Variants in ERCC6L2 observed in about 807,000 individuals in gnomAD.
ERCC6L2 encodes the protein ERCC excision repair 6 like 2, also known as DNA excision repair protein ERCC-6-like 2.
A neutral mutation model predicts 132.0 loss-of-function variants in ERCC6L2; 77 were observed. The ratio of observed to expected loss-of-function variants is 0.58; its 90% confidence interval spans 0.49 to 0.71. ERCC6L2 has a LOEUF of 0.71. Ranked by LOEUF, ERCC6L2 falls within the 30% of genes least tolerant of loss-of-function variation. ERCC6L2 has a pLI of 0.00. For synonymous variants in ERCC6L2, 583 were observed against 632.4 expected, an observed-to-expected ratio of 0.92 and a Z score of 1.17; for missense variants, 1,542 against 1,837.6, an observed-to-expected ratio of 0.84 and a Z score of 2.94.
chr9:96,017,479 G>A lies in ERCC6L2; in HGVS notation c.*4276G>A, dbSNP rs557435449. On this transcript the variant is annotated 3_prime_UTR_variant, in exon 19 of 19. Coordinates refer to ENST00000653738, the MANE Select transcript of ERCC6L2 (RefSeq NM_020207.7). The stretch of plus-strand genomic sequence containing the variant: ...GTAGCAAGTCAGAACCTCCGGAGAG[G>A]CTTTTAAGCATGCACATGTCCAGGG... Among the ~76,000 whole-genome samples the A allele has an allele frequency of 7.2e-5, 11 of 152,288 alleles. No homozygotes were observed. In the South Asian group the frequency reaches 2.3e-3, roughly 32 times the overall value.
At chr9:96,003,499 T>G (rs978580323) in intron 17 of ERCC6L2, among the ~76,000 whole-genome samples, 23 of 152,392 alleles carry the variant, frequency 1.5e-4, no homozygotes, top group Non-Finnish European at 1.8e-4. Flanking sequence ...TTCTAGCCTG[T>G]GTGCCAGGTT....
Position 95,972,302 on chromosome 9 carries a change from T to G in ERCC6L2, c.2551T>G (p.Leu851Val). Residue 851 changes from leucine to valine, a missense_variant, in exon 16 of 19, where the codon TTA becomes GTA. By Grantham distance (32) the Leu-to-Val change is conservative. This residue lies in a region of ERCC6L2 where 945 missense variants were observed against 1,105.2 expected (regional missense o/e 0.86). Coordinates refer to ENST00000653738, the MANE Select transcript of ERCC6L2 (RefSeq NM_020207.7). ...DSLGTSKHQK[L>V]DNILNPKEKH... Reference sequence around the variant, plus strand: ...TCTTGGTACTTCAAAACATCAGAAATTAGATAACATCCTAAATCCAAAAGA... The same window carrying G: ...TCTTGGTACTTCAAAACATCAGAAAGTAGATAACATCCTAAATCCAAAAGA... The G allele has an allele frequency of 7.7e-7, 1 of 1,296,438 alleles. No individual in the cohort carries two copies. The highest frequency in any genetic ancestry group is 1.0e-6 in the Non-Finnish European group (1 of 986,604). The allele number at this position is 1,296,438 out of a possible 1,614,324, so 80.3% of individuals were successfully genotyped here.
At chr9:96,038,318 G>A (rs1411245917) in intron 19 of ERCC6L2, among the ~76,000 whole-genome samples, 2 of 152,174 alleles carry the variant, frequency 1.3e-5, no homozygotes, top group Non-Finnish European at 1.5e-5. Flanking sequence ...GATCAAGCCC[G>A]AATAAAAGGA....
At chr9:95,939,026 T>C (rs1830679637) in intron 11 of ERCC6L2, among the ~76,000 whole-genome samples, 1 of 152,098 alleles carries the variant, frequency 6.6e-6, no homozygotes, top group Non-Finnish European at 1.5e-5. Flanking sequence ...GTATACAGGT[T>C]TACCAGTTTG....
At chr9:95,914,715 T>C (rs1829499789) in intron 4 of ERCC6L2, among the ~76,000 whole-genome samples, 1 of 152,236 alleles carries the variant, frequency 6.6e-6, no homozygotes, top group Admixed American at 6.5e-5. Context: ...ATTTGCAATA[T>C]AGTCTGTAGC....
At chr9:95,982,866 T>C (rs1013030769) in intron 17 of ERCC6L2, among the ~76,000 whole-genome samples, 1 of 152,058 alleles carries the variant, frequency 6.6e-6, no homozygotes, top group Non-Finnish European at 1.5e-5. Flanking sequence ...GGAAGGAGAA[T>C]CCAGTTTTTA....
intron 13 of ERCC6L2, among the ~76,000 whole-genome samples, chr9:95,960,420 G>A (rs915773513): frequency 1.5e-4 from 23 of 152,170 alleles, no homozygotes; most frequent in African/African-American, 4.8e-4. Context: ...GATCTTTGCA[G>A]ATGTGATTAA....
At chr9:95,932,025 T>A (rs1263223074) in intron 11 of ERCC6L2, among the ~76,000 whole-genome samples, 1 of 152,094 alleles carries the variant, frequency 6.6e-6, no homozygotes, top group Non-Finnish European at 1.5e-5. Context: ...TTTTGCTCTG[T>A]TCTGAGAAAT....
At chr9:95,894,584 C>CTTTTTTTTTT in intron 2 of ERCC6L2, among the ~76,000 whole-genome samples, 1 of 83,484 alleles carries the variant, frequency 1.2e-5, no homozygotes, top group Non-Finnish European at 2.2e-5. Flanking sequence ...ATATGTCAGC[C>CTTTTTTTTTT]TTTTTTTTTT....
At chr9:95,916,529 C>A in intron 6 of ERCC6L2, 95 bp downstream of exon 6, 1 of 1,038,482 alleles carries the variant, frequency 9.6e-7, no homozygotes, top group Non-Finnish European at 1.3e-6. Flanking sequence ...TTTGTAAATA[C>A]AGTTTTTTGC....
intron 11 of ERCC6L2, among the ~76,000 whole-genome samples, chr9:95,930,899 A>G (rs1830306769): frequency 6.6e-6 from 1 of 152,174 alleles, no homozygotes; most frequent in Non-Finnish European, 1.5e-5. Context: ...TATTATGTTA[A>G]CTATTTTAAC....
At chr9:95,993,733 CAGAA>C (rs1231868167) in intron 17 of ERCC6L2, among the ~76,000 whole-genome samples, 1 of 152,168 alleles carries the variant, frequency 6.6e-6, no homozygotes, top group South Asian at 2.1e-4. Context: ...GTGGCTCACT[CAGAA>C]AGCAAAGCAC....
chr9:95,997,923 T>C (rs1232900601), intron 17 of ERCC6L2, among the ~76,000 whole-genome samples: 1 of 152,246 alleles, frequency 6.6e-6, no homozygotes, highest in African/African-American at 2.4e-5. Context: ...ATTATTTATC[T>C]TGTACCATTT....
At chr9:95,957,353 G>A (rs1425767910) in intron 13 of ERCC6L2, among the ~76,000 whole-genome samples, 1 of 149,864 alleles carries the variant, frequency 6.7e-6, no homozygotes, top group Non-Finnish European at 1.5e-5. Context: ...AAATAGAATT[G>A]TACACAGCAG....
intron 2 of ERCC6L2, among the ~76,000 whole-genome samples, chr9:95,894,918 A>G (rs1828371955): frequency 6.6e-6 from 1 of 152,056 alleles, no homozygotes; most frequent in Non-Finnish European, 1.5e-5. Flanking sequence ...TTTGGTAACT[A>G]TTTCGTGGGT....
At chr9:95,938,488 T>G (rs1284386207) in intron 11 of ERCC6L2, among the ~76,000 whole-genome samples, 2 of 152,180 alleles carry the variant, frequency 1.3e-5, no homozygotes, top group Non-Finnish European at 2.9e-5. Context: ...CTTTTCAGCT[T>G]AATTTGACTT....
At chr9:96,039,096 G>A (rs1588071712) in exon 20 of ERCC6L2, among the ~76,000 whole-genome samples, 1 of 152,208 alleles carries the variant, frequency 6.6e-6, no homozygotes, top group East Asian at 1.9e-4. Context: ...AGAGACCCAA[G>A]CCACAACTTC....
At chr9:95,975,261 G>T (rs1018308172) in intron 16 of ERCC6L2, among the ~76,000 whole-genome samples, 2 of 152,026 alleles carry the variant, frequency 1.3e-5, no homozygotes, top group African/African-American at 4.8e-5. Flanking sequence ...TCCTCGCATC[G>T]TTCTGGTTGT....
In ERCC6L2 at chr9:95,972,034, G is replaced by A. The variant is rs1832437504; in HGVS notation, c.2283G>A (p.Glu761=). 7.7e-7 allele frequency: 1 copy of A among 1,304,128 alleles called. No homozygotes were observed. The highest frequency in any genetic ancestry group is 1.0e-6 in the Non-Finnish European group (1 of 988,942). 80.8% of individuals were successfully genotyped at this position (1,304,128 alleles called of 1,614,324 possible). ...CDLCSDFSDE[E]PVGATGIKTA... The stretch of plus-strand genomic sequence containing the variant: ...TCTGCAGTGACTTCAGTGATGAAGA[G>A]CCAGTGGGAGCCACAGGAATAAAGA... Residue 761 remains glutamate (E), a synonymous_variant, in exon 16 of 19, where the codon GAG becomes GAA. Coordinates refer to ENST00000653738, the MANE Select transcript of ERCC6L2 (RefSeq NM_020207.7).
Sources: gnomAD v4.1 joint callset for allele counts (sites outside exome capture counted in the v4.1 genomes callset) on GRCh38, gnomAD v4.1.1 for gene constraint, gnomAD v4.1.1 regional missense constraint, MANE v1.5 for transcripts, NCBI Gene and HGNC (gene_info 2026-07-23, HGNC 2026-07-21) for gene names.